ZMAT4: variants seen among roughly 807,000 people sequenced by gnomAD.
ZMAT4 encodes the protein zinc finger matrin-type protein 4.
In ZMAT4, 17 loss-of-function variants were observed where a neutral mutation model predicts 28.7. The observed-to-expected ratio is 0.59, with a 90% CI of 0.41 to 0.89. ZMAT4 has a LOEUF of 0.89. ZMAT4 is among the 40% of genes least tolerant of loss of function. ZMAT4 has a pLI of 0.00. For synonymous variants in ZMAT4, 117 were observed against 109.2 expected, an observed-to-expected ratio of 1.07 and a Z score of -0.44; for missense variants, 240 against 283.8, an observed-to-expected ratio of 0.85 and a Z score of 1.11.
rs567906524 is a variant in ZMAT4, at chr8:40,795,740, T to A, written c.103-28010A>T. ...CATATAAAAATTTCTCCATACTTTATAATCAACATTTTCCGTTCTGCAAAT... is the reference window on the plus strand; with the variant it reads ...CATATAAAAATTTCTCCATACTTTAAAATCAACATTTTCCGTTCTGCAAAT... On this transcript the variant is annotated intron_variant, in intron 2 of 6. Coordinates refer to ENST00000297737, the MANE Select transcript of ZMAT4 (RefSeq NM_024645.3). 1.2e-4 allele frequency among the ~76,000 whole-genome samples: 19 copies of A among 152,320 alleles called. No individual in the cohort carries two copies. The South Asian group carries it at 3.7e-3, about 30-fold the overall frequency.
chr8:40,789,274 G>A lies in ZMAT4; in HGVS notation c.103-21544C>T, dbSNP rs75993632. Among the ~76,000 whole-genome samples the A allele has an allele frequency of 1.8e-3, 276 of 152,246 alleles. 6 individuals are homozygous for A. In the East Asian group the frequency reaches 0.044, roughly 24 times the overall value. Reference sequence around the variant, plus strand: ...GTAAAAGGCACCTATGAAAACTTACGGCTAGCGTTGTACTTAATGGTGAAA... The same window carrying A: ...GTAAAAGGCACCTATGAAAACTTACAGCTAGCGTTGTACTTAATGGTGAAA... On this transcript the variant is annotated intron_variant, in intron 2 of 6. Coordinates refer to ENST00000297737, the MANE Select transcript of ZMAT4 (RefSeq NM_024645.3).
chr8:40,533,790 T>C (rs1223914642), intron 6 of ZMAT4, among the ~76,000 whole-genome samples: 2 of 152,240 alleles, frequency 1.3e-5, no homozygotes, highest in Non-Finnish European at 2.9e-5. Flanking sequence ...TAGTAGTTGT[T>C]ATAAAAATTA....
At chr8:40,712,848 C>G (rs920967330) in intron 3 of ZMAT4, among the ~76,000 whole-genome samples, 5 of 152,106 alleles carry the variant, frequency 3.3e-5, no homozygotes, top group African/African-American at 1.2e-4. Flanking sequence ...CTCATAATGG[C>G]ACTAAAGAAA....
At chr8:40,743,235 C>G (rs2150536663) in intron 3 of ZMAT4, among the ~76,000 whole-genome samples, 1 of 152,284 alleles carries the variant, frequency 6.6e-6, no homozygotes, top group East Asian at 1.9e-4. Context: ...TGAGGTCTTT[C>G]CCTACTCAGG....
intron 2 of ZMAT4, among the ~76,000 whole-genome samples, chr8:40,801,349 A>ATATATATATATATATATATATATATAT (rs1334146524): frequency 4.3e-4 from 21 of 48,742 alleles, no homozygotes; most frequent in African/African-American, 1.6e-3. Context: ...TTTAAAAAAA[A>ATATATATATATATATATATATATATAT]AAATATATAT....
chr8:40,767,424 T>A (rs1302789623), intron 3 of ZMAT4, among the ~76,000 whole-genome samples: 2 of 152,130 alleles, frequency 1.3e-5, no homozygotes, highest in African/African-American at 2.4e-5. Context: ...CCCAGTGCAA[T>A]GTCATCAAAA....
At chr8:40,869,223 ACT>A (rs1180227762) in intron 1 of ZMAT4, among the ~76,000 whole-genome samples, 5 of 152,188 alleles carry the variant, frequency 3.3e-5, no homozygotes, top group African/African-American at 4.8e-5. Context: ...TCATCAAGAA[ACT>A]CTACTTATCT....
At chr8:40,573,703 T>C (rs572903714) in intron 6 of ZMAT4, among the ~76,000 whole-genome samples, 2 of 152,306 alleles carry the variant, frequency 1.3e-5, no homozygotes, top group Non-Finnish European at 1.5e-5. Flanking sequence ...TGGAAATCTG[T>C]TTTGAGAACA....
At chr8:40,726,393 T>C (rs1374393465) in intron 3 of ZMAT4, among the ~76,000 whole-genome samples, 1 of 152,228 alleles carries the variant, frequency 6.6e-6, no homozygotes, top group Non-Finnish European at 1.5e-5. Flanking sequence ...ACTGATTAAG[T>C]AGAATGTCTA....
At chr8:40,881,597 AGAAAAG>A (rs1267135688) in intron 1 of ZMAT4, among the ~76,000 whole-genome samples, 2 of 102,316 alleles carry the variant, frequency 2.0e-5, no homozygotes, top group East Asian at 6.2e-4. Flanking sequence ...AAAGAAAGAA[AGAAAAG>A]AAAAGAAAAG....
chr8:40,553,186 A>G, intron 6 of ZMAT4, among the ~76,000 whole-genome samples: 1 of 152,186 alleles, frequency 6.6e-6, no homozygotes, highest in East Asian at 1.9e-4. Context: ...CCTCCTGCCC[A>G]CAGCCGTGTG....
intron 4 of ZMAT4, among the ~76,000 whole-genome samples, chr8:40,685,225 C>A (rs1809350250): frequency 6.6e-6 from 1 of 152,018 alleles, no homozygotes; most frequent in African/African-American, 2.4e-5. Flanking sequence ...CATGTCAAGT[C>A]CCTCCCATCA....
intron 3 of ZMAT4, among the ~76,000 whole-genome samples, chr8:40,763,085 T>C (rs978899129): frequency 2.6e-5 from 4 of 152,206 alleles, no homozygotes; most frequent in African/African-American, 9.7e-5. Context: ...AGCCCCATCG[T>C]ATCAGGAGAG....
At chr8:40,804,477 T>C (rs1164461447) in intron 2 of ZMAT4, among the ~76,000 whole-genome samples, 1 of 152,224 alleles carries the variant, frequency 6.6e-6, no homozygotes, top group East Asian at 1.9e-4. Context: ...ATCTATCTAA[T>C]GATCATCTTC....
intron 1 of ZMAT4, among the ~76,000 whole-genome samples, chr8:40,840,854 G>C (rs185391043): frequency 1.9e-3 from 289 of 152,220 alleles, no homozygotes; most frequent in Non-Finnish European, 3.5e-3. Flanking sequence ...GACTTGAACC[G>C]ATGATTCTAA....
At chr8:40,670,786 C>T (rs1012514291) in intron 5 of ZMAT4, among the ~76,000 whole-genome samples, 11 of 151,966 alleles carry the variant, frequency 7.2e-5, no homozygotes, top group Admixed American at 2.6e-4. Flanking sequence ...AAGTACTTGA[C>T]GGCAGGGTGT....
chr8:40,737,566 A>G (rs1289101184), intron 3 of ZMAT4, among the ~76,000 whole-genome samples: 12 of 152,216 alleles, frequency 7.9e-5, no homozygotes, highest in Admixed American at 7.9e-4. Context: ...AAAGAACTAA[A>G]AAGGCCTACT....
chr8:40,531,106 C>G lies in ZMAT4; in HGVS notation c.*1117G>C, dbSNP rs1185504392. ...GAAGCTCAACGTCCCACTTCGTAAC[C>G]AGGCTACAAGACACCAAGTCCGGTC... On this transcript the variant is annotated 3_prime_UTR_variant, in exon 7 of 7. Transcript: ENST00000297737. 1 of 152,596 alleles carries G rather than the reference C, an allele frequency of 6.6e-6. No homozygotes were observed. The highest frequency in any genetic ancestry group is 1.5e-5 in the Non-Finnish European group (1 of 68,140). The allele number at this position is 152,596 out of a possible 1,614,324, so 9.5% of individuals were successfully genotyped here. A position where few individuals can be genotyped will look rare whatever the true frequency, so the allele number is the denominator to read the frequency against.
chr8:40,649,623 T>C (rs898718535), intron 5 of ZMAT4, among the ~76,000 whole-genome samples: 1 of 151,902 alleles, frequency 6.6e-6, no homozygotes, highest in African/African-American at 2.4e-5. Context: ...AGAATATACA[T>C]TTTTTTCAGC....
Sources: allele counts gnomAD v4.1 joint callset (sites outside exome capture counted in the v4.1 genomes callset), GRCh38; gene constraint gnomAD v4.1.1; transcripts MANE v1.5; gene names NCBI Gene and HGNC (gene_info 2026-07-23, HGNC 2026-07-21).